CYP7B1: variants seen among roughly 807,000 people sequenced by gnomAD.
CYP7B1 encodes the protein cytochrome P450 7B1.
A neutral mutation model predicts 42.7 loss-of-function variants in CYP7B1; 29 were observed. The ratio of observed to expected loss-of-function variants is 0.68; its 90% confidence interval spans 0.51 to 0.93. CYP7B1 has a LOEUF of 0.93. CYP7B1 is among the 40% of genes least tolerant of loss of function. The pLI, the probability that CYP7B1 is intolerant of heterozygous loss-of-function variation, is 0.00. For synonymous variants in CYP7B1, 235 were observed against 218.2 expected (o/e 1.08, Z -0.68); for missense variants, 655 against 600.5 (o/e 1.09, Z -0.95).
intron 1 of CYP7B1, among the ~76,000 whole-genome samples, chr8:64,643,889 T>C (rs1375752333): frequency 6.6e-6 from 1 of 152,158 alleles, no homozygotes; most frequent in African/African-American, 2.4e-5. Context: ...GGTCACATCT[T>C]CAGGCTCCAC....
chr8:64,796,832 T>TA (rs899581152), intron 1 of CYP7B1, among the ~76,000 whole-genome samples: 2 of 152,230 alleles, frequency 1.3e-5, no homozygotes, highest in Admixed American at 6.5e-5. Context: ...GCATAAGCTT[T>TA]AAAAAATCTG....
intron 3 of CYP7B1, among the ~76,000 whole-genome samples, 172 bp downstream of exon 3, chr8:64,615,519 C>CAAA (rs8192897): frequency 8.7e-6 from 1 of 114,930 alleles, no homozygotes. Flanking sequence ...ACCACCTCAG[C>CAAA]AAAAAAAAAA....
chr8:64,599,943 G>A (rs551586703), intron 5 of CYP7B1, among the ~76,000 whole-genome samples: 1 of 152,332 alleles, frequency 6.6e-6, no homozygotes, highest in African/African-American at 2.4e-5. Flanking sequence ...CCAGGAGTTT[G>A]GAGCTATCAC....
chr8:64,608,764 G>C (rs1805323462), intron 4 of CYP7B1, among the ~76,000 whole-genome samples: 1 of 152,214 alleles, frequency 6.6e-6, no homozygotes, highest in Non-Finnish European at 1.5e-5. Flanking sequence ...CTTCAAGGCA[G>C]TTGAGAAGGT....
chr8:64,622,121 ACATTATTTGAATAATAATGCATAAAATG>A (rs1165802118), intron 2 of CYP7B1, among the ~76,000 whole-genome samples: 17 of 151,894 alleles, frequency 1.1e-4, no homozygotes, highest in South Asian at 4.1e-4. Flanking sequence ...GCATTAAAAT[ACATTATTTGAATAATAATGCATAAAATG>A]CATTATTTGC....
intron 1 of CYP7B1, among the ~76,000 whole-genome samples, chr8:64,689,055 T>A (rs1396221328): frequency 6.6e-6 from 1 of 152,266 alleles, no homozygotes; most frequent in African/African-American, 2.4e-5. Flanking sequence ...ATGAAATAGA[T>A]GTGTCTTTCT....
chr8:64,739,405 G>A (rs1281415508), intron 1 of CYP7B1, among the ~76,000 whole-genome samples: 2 of 152,168 alleles, frequency 1.3e-5, no homozygotes, highest in Admixed American at 1.3e-4. Flanking sequence ...GGACAAAAGT[G>A]GAGACAAAAA....
intron 1 of CYP7B1, among the ~76,000 whole-genome samples, chr8:64,644,777 T>C (rs1033264240): frequency 6.6e-6 from 1 of 152,156 alleles, no homozygotes; most frequent in Non-Finnish European, 1.5e-5. Flanking sequence ...ATTATTATTA[T>C]ACTTTAAGTT....
intron 1 of CYP7B1, among the ~76,000 whole-genome samples, chr8:64,668,311 G>T (rs1806313081): frequency 6.6e-6 from 1 of 152,096 alleles, no homozygotes. Context: ...AAGCCTTGGG[G>T]AGAACAAATA....
intron 1 of CYP7B1, among the ~76,000 whole-genome samples, chr8:64,724,582 A>C (rs1807294252): frequency 6.6e-6 from 1 of 152,186 alleles, no homozygotes; most frequent in Non-Finnish European, 1.5e-5. Context: ...AATAAAGAAG[A>C]GATGTCTGAG....
chr8:64,749,239 C>A (rs1424459773), intron 1 of CYP7B1, among the ~76,000 whole-genome samples: 1 of 151,940 alleles, frequency 6.6e-6, no homozygotes, highest in African/African-American at 2.4e-5. Context: ...CACTGCCACA[C>A]CTGGCTGATT....
intron 1 of CYP7B1, among the ~76,000 whole-genome samples, chr8:64,759,315 T>G (rs1329060698): frequency 6.6e-6 from 1 of 152,208 alleles, no homozygotes; most frequent in Non-Finnish European, 1.5e-5. Context: ...AAATCCTCCC[T>G]CTACACAAAA....
intron 1 of CYP7B1, among the ~76,000 whole-genome samples, chr8:64,750,773 C>T (rs1807714460): frequency 6.6e-6 from 1 of 152,142 alleles, no homozygotes; most frequent in Non-Finnish European, 1.5e-5. Context: ...CTTCCCAGCA[C>T]CAATCTTAAT....
chr8:64,720,978 T>A (rs1041261913), intron 1 of CYP7B1, among the ~76,000 whole-genome samples: 2 of 151,904 alleles, frequency 1.3e-5, no homozygotes, highest in Admixed American at 1.3e-4. Flanking sequence ...ATAAATAAGA[T>A]ATTTTTAAAC....
At chr8:64,781,795 T>A (rs1293226698) in intron 1 of CYP7B1, among the ~76,000 whole-genome samples, 1 of 152,208 alleles carries the variant, frequency 6.6e-6, no homozygotes, top group Non-Finnish European at 1.5e-5. Context: ...AGAATATGGC[T>A]ATCTCTGGAG....
intron 1 of CYP7B1, among the ~76,000 whole-genome samples, chr8:64,631,717 A>G (rs1016461357): frequency 6.6e-6 from 1 of 152,224 alleles, no homozygotes; most frequent in Non-Finnish European, 1.5e-5. Flanking sequence ...CTAAAACTCA[A>G]CAGTAAAAAT....
chr8:64,587,217 G>C (rs950492599), downstream of CYP7B1, among the ~76,000 whole-genome samples: 1 of 152,110 alleles, frequency 6.6e-6, no homozygotes, highest in African/African-American at 2.4e-5. Context: ...CGCGCCCACC[G>C]CGCTGTTTTT....
At chr8:64,676,199 T>C (rs543342867) in intron 1 of CYP7B1, among the ~76,000 whole-genome samples, 1 of 152,278 alleles carries the variant, frequency 6.6e-6, no homozygotes, top group African/African-American at 2.4e-5. Context: ...CATTCATTCA[T>C]ATTTATGGGG....
intron 4 of CYP7B1, among the ~76,000 whole-genome samples, chr8:64,612,917 G>A (rs1389981067): frequency 6.6e-6 from 1 of 152,090 alleles, no homozygotes; most frequent in Non-Finnish European, 1.5e-5. Context: ...TTGATATAGA[G>A]AAATACAACT....
Sources: allele counts gnomAD v4.1 joint callset (sites outside exome capture counted in the v4.1 genomes callset), GRCh38; gene constraint gnomAD v4.1.1; transcripts MANE v1.5; gene names NCBI Gene and HGNC (gene_info 2026-07-23, HGNC 2026-07-21).